Variants in COL24A1 observed in about 807,000 individuals in gnomAD.
COL24A1 encodes the protein collagen type XXIV alpha 1 chain, also known as collagen alpha-1(XXIV) chain.
Under a neutral mutation model 253.9 loss-of-function variants are expected in COL24A1, and 224 were observed. The ratio of observed to expected loss-of-function variants is 0.88; its 90% confidence interval spans 0.79 to 0.99. The LOEUF is 0.99. COL24A1 is among the 50% of genes least tolerant of loss of function. The pLI is 0.00. For missense variants in COL24A1, 2,131 were observed against 2,068.5 expected (o/e 1.03, Z -0.59); for synonymous variants, 685 against 673.7 (o/e 1.02, Z -0.26).
chr1:85,825,172 T>G (rs1218555796), intron 43 of COL24A1, among the ~76,000 whole-genome samples: 2 of 148,420 alleles, frequency 1.3e-5, no homozygotes, highest in Non-Finnish European at 3.0e-5. Context: ...GAATATGCGG[T>G]GTTTGGTTTT....
At chr1:85,793,461 G>A (rs1670502808) in intron 47 of COL24A1, among the ~76,000 whole-genome samples, 1 of 152,074 alleles carries the variant, frequency 6.6e-6, no homozygotes, top group Non-Finnish European at 1.5e-5. Flanking sequence ...GAAGGAAAGA[G>A]AGAGAGAGAG....
chr1:85,918,280 T>C (rs1331406996), intron 24 of COL24A1, among the ~76,000 whole-genome samples: 1 of 152,164 alleles, frequency 6.6e-6, no homozygotes, highest in East Asian at 1.9e-4. Flanking sequence ...GAGTTCAATT[T>C]TCACGTGGTA....
At position 86,115,351 on chromosome 1, in the gene COL24A1, C is replaced by A. The variant is rs768873639; in HGVS notation, c.1519G>T (p.Gly507Cys). ...PGPPGPAGIP[G>C]PSGKRGPRGI... ...CGTGGACCTCTCTTCCCTGACGGACCTGGGATACCTGCTGGACCAGGTGGA... is the reference window on the plus strand; with the variant it reads ...CGTGGACCTCTCTTCCCTGACGGACATGGGATACCTGCTGGACCAGGTGGA... The change falls in exon 4 of 60, where the codon GGT (glycine) becomes TGT (cysteine). Residue 507 changes from glycine (G) to cysteine (C), a missense_variant. Gly to Cys is a radical substitution (Grantham distance 159). Transcript: ENST00000370571. 89 of 1,613,854 alleles carry A rather than the reference C, an allele frequency of 5.5e-5. No individual in the cohort carries two copies. Among genetic ancestry groups the A allele is most frequent in the Admixed American group, 8.3e-5 (5 of 59,962 alleles).
intron 43 of COL24A1, among the ~76,000 whole-genome samples, chr1:85,837,482 G>A (rs539763388): frequency 5.3e-5 from 8 of 152,140 alleles, no homozygotes; most frequent in Non-Finnish European, 1.2e-4. Flanking sequence ...CATCTTGACA[G>A]AGATGTATCA....
intron 10 of COL24A1, among the ~76,000 whole-genome samples, chr1:86,055,201 C>A (rs11161725): frequency 0.076 from 11,629 of 152,212 alleles, 1,145 homozygotes; most frequent in East Asian, 0.44. Context: ...ACTATGTTCA[C>A]TGCTTTGACA....
chr1:86,077,569 C>G (rs1371097410), intron 7 of COL24A1, among the ~76,000 whole-genome samples: 6 of 152,040 alleles, frequency 3.9e-5, no homozygotes, highest in Non-Finnish European at 5.9e-5. Flanking sequence ...TTCACAATAG[C>G]AAAGACTTGG....
intron 24 of COL24A1, among the ~76,000 whole-genome samples, chr1:85,915,509 C>T (rs1292106605): frequency 1.3e-5 from 2 of 152,118 alleles, no homozygotes; most frequent in African/African-American, 4.8e-5. Flanking sequence ...TATCTATATC[C>T]TGTTGGTTCT....
Position 86,125,824 on chromosome 1 carries a change from C to T in COL24A1, c.512G>A (p.Arg171Lys). 1 of 1,613,286 alleles carries T rather than the reference C, an allele frequency of 6.2e-7. No individual in the cohort carries two copies. The highest frequency in any genetic ancestry group is 8.5e-7 in the Non-Finnish European group (1 of 1,179,726). ...AACAAACATTGAGACACTTTGGTTT[C>T]TAATAGTAATGGCAAATGAGTGCCA... ...EQWHSFAITI[R>K]NQSVSMFVEC... is the part of the protein sequence containing the mutation. The change falls in exon 3 of 60, where the codon AGA becomes AAA. Residue 171 changes from arginine to lysine, a missense_variant. Arg to Lys is a conservative substitution (Grantham distance 26). Coordinates refer to ENST00000370571, the MANE Select transcript of COL24A1 (RefSeq NM_152890.7).
At chr1:86,095,850 C>G (rs182767180) in intron 5 of COL24A1, among the ~76,000 whole-genome samples, 84 of 152,188 alleles carry the variant, frequency 5.5e-4, no homozygotes, top group Non-Finnish European at 9.4e-4. Context: ...TCCCACTGAT[C>G]TGCTAGAGTT....
At chr1:86,099,939 A>T (rs1911545) in intron 5 of COL24A1, among the ~76,000 whole-genome samples, 68,333 of 151,702 alleles carry the variant, frequency 0.45, 16,383 homozygotes, top group Non-Finnish European at 0.53. Context: ...CTTTTTTTTA[A>T]AATTTTATTA....
chr1:85,824,993 T>G (rs1674086343), intron 43 of COL24A1, among the ~76,000 whole-genome samples: 1 of 151,670 alleles, frequency 6.6e-6, no homozygotes, highest in African/African-American at 2.4e-5. Flanking sequence ...TACATATGTA[T>G]ACATGTGCCA....
At chr1:86,127,293 T>C (rs1451361078) in intron 2 of COL24A1, among the ~76,000 whole-genome samples, 1 of 152,132 alleles carries the variant, frequency 6.6e-6, no homozygotes, top group Non-Finnish European at 1.5e-5. Context: ...TTTGATATAA[T>C]TGTGGATTTC....
intron 28 of COL24A1, among the ~76,000 whole-genome samples, chr1:85,903,736 T>C (rs1156592882): frequency 6.6e-6 from 1 of 152,158 alleles, no homozygotes; most frequent in African/African-American, 2.4e-5. Flanking sequence ...AATAACTAAA[T>C]TCATAAATGA....
intron 40 of COL24A1, 38 bp from the exon 41 acceptor site, chr1:85,842,159 C>G (rs759639758): frequency 1.3e-6 from 2 of 1,580,222 alleles, no homozygotes; most frequent in African/African-American, 2.7e-5. Context: ...CATGCTCTAC[C>G]TAGATATTAG....
intron 27 of COL24A1, 49 bp downstream of exon 27, chr1:85,908,544 TTTAAA>T: frequency 2.0e-6 from 2 of 1,022,066 alleles, no homozygotes; most frequent in Non-Finnish European, 2.8e-6. Flanking sequence ...AATTTATGAG[TTTAAA>T]TTAAAGTAAA....
At chr1:85,953,454 T>C (rs1191899697) in intron 24 of COL24A1, among the ~76,000 whole-genome samples, 1 of 152,240 alleles carries the variant, frequency 6.6e-6, no homozygotes, top group African/African-American at 2.4e-5. Context: ...GAAAGAGGAC[T>C]AATGTTTTGG....
chr1:86,003,881 AC>A (rs1234574886), intron 19 of COL24A1, among the ~76,000 whole-genome samples: 1 of 152,162 alleles, frequency 6.6e-6, no homozygotes, highest in Non-Finnish European at 1.5e-5. Flanking sequence ...ATTAATGCCC[AC>A]CAGGAAGCAT....
At chr1:85,788,464 C>T (rs1052364222) in intron 47 of COL24A1, among the ~76,000 whole-genome samples, 1 of 152,114 alleles carries the variant, frequency 6.6e-6, no homozygotes, top group African/African-American at 2.4e-5. Context: ...CTGGATATTA[C>T]ACATTTGTCA....
chr1:85,863,736 G>A (rs1362341371), intron 37 of COL24A1, among the ~76,000 whole-genome samples: 1 of 152,100 alleles, frequency 6.6e-6, no homozygotes, highest in Non-Finnish European at 1.5e-5. Flanking sequence ...CAACAAGTGG[G>A]CAAAGTGAAC....
Sources: gnomAD v4.1 joint callset for allele counts (sites outside exome capture counted in the v4.1 genomes callset) on GRCh38, gnomAD v4.1.1 for gene constraint, MANE v1.5 for transcripts, NCBI Gene and HGNC (gene_info 2026-07-23, HGNC 2026-07-21) for gene names.